Variants in NFIB observed in about 807,000 individuals in gnomAD.
NFIB encodes nuclear factor I B.
A neutral mutation model predicts 61.5 loss-of-function variants in NFIB; 11 were observed. The observed-to-expected ratio is 0.18, with a 90% CI of 0.11 to 0.30. The LOEUF (loss-of-function observed/expected upper bound fraction) is 0.30, where lower values mean the gene tolerates loss of function less well. NFIB is among the 10% of genes least tolerant of loss of function. The probability of loss-of-function intolerance (pLI) is 1.00; values close to 1 mark genes in which losing one functional copy is unlikely to be tolerated. For synonymous variants in NFIB, 260 were observed against 216.5 expected (o/e 1.20, Z -1.76); for missense variants, 471 against 608.9 (o/e 0.77, Z 2.38).
the NFIB span, among the ~76,000 whole-genome samples, chr9:14,505,628 T>C: frequency 6.6e-6 from 1 of 152,154 alleles, no homozygotes; most frequent in Non-Finnish European, 1.5e-5. Context: ...ATCTGTAGAA[T>C]TTGCAATTCT....
chr9:14,209,692 C>A (rs549412248), intron 2 of NFIB, among the ~76,000 whole-genome samples: 1 of 152,194 alleles, frequency 6.6e-6, no homozygotes, highest in African/African-American at 2.4e-5. Context: ...ATGCATCCTA[C>A]CACAACCCAA....
At chr9:14,496,371 G>A in the NFIB span, among the ~76,000 whole-genome samples, 10 of 152,234 alleles carry the variant, frequency 6.6e-5, no homozygotes, top group South Asian at 2.1e-4. Context: ...ACTGCAACCC[G>A]TCACATGAGG....
At chr9:14,411,296 T>C in the NFIB span, among the ~76,000 whole-genome samples, 1 of 152,190 alleles carries the variant, frequency 6.6e-6, no homozygotes, top group Non-Finnish European at 1.5e-5. Flanking sequence ...TGTCTCTACA[T>C]TGCACCAGTA....
the NFIB span, among the ~76,000 whole-genome samples, chr9:14,498,469 G>C: frequency 6.6e-6 from 1 of 152,192 alleles, no homozygotes; most frequent in African/African-American, 2.4e-5. Flanking sequence ...CAGCTGAAAG[G>C]AAAGTGGATA....
chr9:14,492,079 G>A, the NFIB span, among the ~76,000 whole-genome samples: 1 of 152,100 alleles, frequency 6.6e-6, no homozygotes, highest in Non-Finnish European at 1.5e-5. Flanking sequence ...AAAAAGAAAA[G>A]AGAGCCGAGC....
intron 2 of NFIB, among the ~76,000 whole-genome samples, chr9:14,250,471 A>G (rs1002268783): frequency 3.3e-5 from 5 of 152,246 alleles, no homozygotes; most frequent in Middle Eastern, 3.4e-3. Flanking sequence ...TGCCATTAAA[A>G]CTTTCAGGTG....
At chr9:14,458,748 G>A in the NFIB span, among the ~76,000 whole-genome samples, 1 of 152,086 alleles carries the variant, frequency 6.6e-6, no homozygotes, top group African/African-American at 2.4e-5. Flanking sequence ...GCCAAATCAT[G>A]AGTAAACTCC....
chr9:14,370,828 C>T (rs544036986), intron 1 of NFIB, among the ~76,000 whole-genome samples: 100 of 152,376 alleles, frequency 6.6e-4, no homozygotes, highest in Non-Finnish European at 1.0e-3. Context: ...GGCACAGTGG[C>T]TCATGCCTGT....
At chr9:14,283,875 T>C (rs1266275252) in intron 2 of NFIB, among the ~76,000 whole-genome samples, 2 of 152,160 alleles carry the variant, frequency 1.3e-5, no homozygotes, top group African/African-American at 2.4e-5. Flanking sequence ...AACCATACAA[T>C]TATTTCTTTG....
At chr9:14,219,685 G>T (rs1405364606) in intron 2 of NFIB, among the ~76,000 whole-genome samples, 1 of 152,102 alleles carries the variant, frequency 6.6e-6, no homozygotes, top group Non-Finnish European at 1.5e-5. Flanking sequence ...AGAGATAAAT[G>T]TAACTGTCTA....
intron 10 of NFIB, among the ~76,000 whole-genome samples, chr9:14,107,229 T>C (rs1242437250): frequency 1.3e-5 from 2 of 151,742 alleles, no homozygotes; most frequent in Non-Finnish European, 2.9e-5. Context: ...TCTGGATGAA[T>C]AGCATGTAAC....
In NFIB at chr9:14,116,473, T is replaced by A. The variant is rs555560339; in HGVS notation, c.1246-127A>T. ...GCGCATAGGCGCCACACAGGCCCTC[T>A]CGAGTCGGAGTCGGAGAGGCCAGTC... is the stretch of plus-strand genomic sequence containing the variant. On this transcript the variant is annotated intron_variant, in intron 8 of 10. Coordinates refer to ENST00000380953, the MANE Select transcript of NFIB (RefSeq NM_001190737.2). The A allele has an allele frequency of 3.0e-5, 30 of 996,672 alleles. No individual in the cohort carries two copies. The African/African-American group carries it at 3.5e-4, about 12-fold the overall frequency. The allele number at this position is 996,672 out of a possible 1,614,324, so 61.7% of individuals were successfully genotyped here.
chr9:14,339,527 C>G (rs1046898850), intron 1 of NFIB, among the ~76,000 whole-genome samples: 1 of 152,160 alleles, frequency 6.6e-6, no homozygotes, highest in African/African-American at 2.4e-5. Flanking sequence ...CTCTGATATC[C>G]CCATGGCTCT....
At chr9:14,141,897 G>T (rs1456468962) in intron 6 of NFIB, among the ~76,000 whole-genome samples, 1 of 93,738 alleles carries the variant, frequency 1.1e-5, no homozygotes, top group Non-Finnish European at 1.9e-5. Flanking sequence ...TCTTGCTGCT[G>T]CTCACAAAAA....
At chr9:14,248,879 G>A (rs760905191) in intron 2 of NFIB, among the ~76,000 whole-genome samples, 2 of 152,162 alleles carry the variant, frequency 1.3e-5, no homozygotes, top group African/African-American at 2.4e-5. Context: ...CTCTTTGCCC[G>A]AGAAGTAAGG....
chr9:14,160,851 A>AAAC (rs1554653745), intron 3 of NFIB, among the ~76,000 whole-genome samples: 1 of 147,872 alleles, frequency 6.8e-6, no homozygotes, highest in African/African-American at 2.5e-5. Context: ...AAAAAAAAAA[A>AAAC]CAGAAAAAAA....
chr9:14,216,300 C>CTGG (rs2050850586), intron 2 of NFIB, among the ~76,000 whole-genome samples: 1 of 152,108 alleles, frequency 6.6e-6, no homozygotes, highest in African/African-American at 2.4e-5. Context: ...GCTTATCCCA[C>CTGG]TGGAAAGGTG....
chr9:14,379,281 C>G (rs2061456177), intron 1 of NFIB, among the ~76,000 whole-genome samples: 1 of 152,208 alleles, frequency 6.6e-6, no homozygotes, highest in South Asian at 2.1e-4. Flanking sequence ...GGAAGCTTGA[C>G]TGAGCAGGAG....
chr9:14,455,951 G>A, the NFIB span, among the ~76,000 whole-genome samples: 7 of 152,164 alleles, frequency 4.6e-5, no homozygotes, highest in South Asian at 2.1e-4. Flanking sequence ...AAGTTCATTC[G>A]GAAAATTAGT....
Sources: gnomAD v4.1 joint callset for allele counts (sites outside exome capture counted in the v4.1 genomes callset) on GRCh38, gnomAD v4.1.1 for gene constraint, MANE v1.5 for transcripts, NCBI Gene and HGNC (gene_info 2026-07-23, HGNC 2026-07-21) for gene names.